SUGCT: variants seen among roughly 807,000 people sequenced by gnomAD.
SUGCT encodes succinyl-CoA:glutarate CoA-transferase.
Under a neutral mutation model 55.0 loss-of-function variants are expected in SUGCT, and 41 were observed. The observed-to-expected ratio is 0.74, with a 90% CI of 0.58 to 0.97. The LOEUF (loss-of-function observed/expected upper bound fraction) is 0.97. Among genes scored for constraint, SUGCT ranks in the 50% least tolerant of loss-of-function variants. The pLI, the probability that SUGCT is intolerant of heterozygous loss-of-function variation, is 0.00. For synonymous variants in SUGCT, 187 were observed against 200.4 expected, an observed-to-expected ratio of 0.93 and a Z score of 0.56; for missense variants, 568 against 547.8, an observed-to-expected ratio of 1.04 and a Z score of -0.37.
At chr7:40,685,086 AC>A (rs1784410396) in intron 12 of SUGCT, among the ~76,000 whole-genome samples, 3 of 151,996 alleles carry the variant, frequency 2.0e-5, no homozygotes, top group Non-Finnish European at 4.4e-5. Flanking sequence ...CAAACTCCTG[AC>A]CTTAAGTGGT....
chr7:40,761,612 G>C (rs1264148562), intron 13 of SUGCT, among the ~76,000 whole-genome samples: 1 of 152,214 alleles, frequency 6.6e-6, no homozygotes, highest in Non-Finnish European at 1.5e-5. Context: ...AGTCTGAAAT[G>C]TGTTTGCCTA....
chr7:41,028,753 G>T, the SUGCT span, among the ~76,000 whole-genome samples: 1 of 152,222 alleles, frequency 6.6e-6, no homozygotes, highest in African/African-American at 2.4e-5. Flanking sequence ...GTTCTTGGCA[G>T]AACCTAAATG....
intron 13 of SUGCT, among the ~76,000 whole-genome samples, chr7:40,780,676 G>A (rs745894423): frequency 2.7e-5 from 4 of 150,858 alleles, no homozygotes; most frequent in Non-Finnish European, 4.4e-5. Flanking sequence ...AAAATAAACC[G>A]TTCATTTATA....
At chr7:40,793,045 A>G (rs1406917245) in intron 13 of SUGCT, 1 of 152,130 alleles carries the variant, frequency 6.6e-6, no homozygotes, top group Non-Finnish European at 1.5e-5. Flanking sequence ...CTATCTCCAT[A>G]CAACATTCAT....
chr7:40,970,556 A>C, the SUGCT span, among the ~76,000 whole-genome samples: 4 of 152,174 alleles, frequency 2.6e-5, no homozygotes, highest in Non-Finnish European at 1.5e-5. Flanking sequence ...GATGTTGATA[A>C]TGTAAATATA....
At chr7:40,811,447 A>C (rs1287997376) in intron 13 of SUGCT, among the ~76,000 whole-genome samples, 3 of 152,052 alleles carry the variant, frequency 2.0e-5, no homozygotes, top group Non-Finnish European at 4.4e-5. Flanking sequence ...TTCTTTTAGC[A>C]CTGTTTTATA....
At chr7:40,772,548 A>ATCTG (rs1562994164) in intron 13 of SUGCT, among the ~76,000 whole-genome samples, 1 of 145,184 alleles carries the variant, frequency 6.9e-6, no homozygotes, top group Non-Finnish European at 1.5e-5. Context: ...CTATCTATCT[A>ATCTG]TCTATCTATC....
the SUGCT span, among the ~76,000 whole-genome samples, chr7:40,918,192 G>A: frequency 1.2e-3 from 181 of 152,260 alleles, no homozygotes; most frequent in African/African-American, 4.3e-3. Flanking sequence ...GCCAGTCGCG[G>A]TGGTTCACAC....
intron 8 of SUGCT, among the ~76,000 whole-genome samples, chr7:40,280,962 G>A (rs1792912488): frequency 6.6e-6 from 1 of 152,004 alleles, no homozygotes; most frequent in African/African-American, 2.4e-5. Flanking sequence ...AAAAGAAGGG[G>A]CCCATTATGA....
At chr7:40,296,635 GTGTGTGTGTGTGTGTGTGTA>G (rs1227738244) in intron 8 of SUGCT, among the ~76,000 whole-genome samples, 4 of 73,258 alleles carry the variant, frequency 5.5e-5, no homozygotes, top group Non-Finnish European at 1.5e-4. Flanking sequence ...GTGTGTGTGT[GTGTGTGTGTGTGTGTGTGTA>G]ATTAATTTTA....
chr7:40,434,061 C>T (rs1266548751), intron 9 of SUGCT, among the ~76,000 whole-genome samples: 2 of 152,106 alleles, frequency 1.3e-5, no homozygotes, highest in East Asian at 1.9e-4. Flanking sequence ...CACCTTGTGA[C>T]CTACTAGGAT....
chr7:40,361,742 G>A (rs1798165133), intron 9 of SUGCT, among the ~76,000 whole-genome samples: 1 of 152,110 alleles, frequency 6.6e-6, no homozygotes, highest in Non-Finnish European at 1.5e-5. Context: ...GTGGTAACTG[G>A]AGATACAGAC....
chr7:40,929,704 CT>C, the SUGCT span, among the ~76,000 whole-genome samples: 1 of 152,180 alleles, frequency 6.6e-6, no homozygotes, highest in Non-Finnish European at 1.5e-5. Flanking sequence ...TGTCTCTTGG[CT>C]GCATAAATGT....
At chr7:40,598,337 A>G (rs1180885556) in intron 12 of SUGCT, among the ~76,000 whole-genome samples, 1 of 152,222 alleles carries the variant, frequency 6.6e-6, no homozygotes, top group Non-Finnish European at 1.5e-5. Context: ...GATTCTAATT[A>G]TCTTCACTAC....
chr7:40,400,428 T>C (rs950410152), intron 9 of SUGCT, among the ~76,000 whole-genome samples: 1 of 152,210 alleles, frequency 6.6e-6, no homozygotes, highest in African/African-American at 2.4e-5. Context: ...AGCGAGAACA[T>C]AGAAGTGCAT....
the SUGCT span, among the ~76,000 whole-genome samples, chr7:40,941,627 C>T: frequency 6.6e-6 from 1 of 152,034 alleles, no homozygotes; most frequent in South Asian, 2.1e-4. Context: ...TCTTTGTTGA[C>T]TTTCTGCCTT....
At chr7:40,748,319 G>A (rs951476256) in intron 12 of SUGCT, among the ~76,000 whole-genome samples, 8 of 152,132 alleles carry the variant, frequency 5.3e-5, no homozygotes, top group African/African-American at 1.4e-4. Context: ...TTAGTTTGAA[G>A]TAAGTTTATA....
chr7:40,855,035 A>T (rs548134351), intron 13 of SUGCT, among the ~76,000 whole-genome samples: 90 of 152,138 alleles, frequency 5.9e-4, no homozygotes, highest in African/African-American at 2.1e-3. Context: ...TAAAAAAAAA[A>T]AAAAGACTAG....
At chr7:41,036,148 T>C in the SUGCT span, among the ~76,000 whole-genome samples, 2 of 152,052 alleles carry the variant, frequency 1.3e-5, no homozygotes, top group Non-Finnish European at 2.9e-5. Context: ...AACAAATTTG[T>C]GGAATGCATG....
Sources: allele counts gnomAD v4.1 joint callset (sites outside exome capture counted in the v4.1 genomes callset), GRCh38; gene constraint gnomAD v4.1.1; transcripts MANE v1.5; gene names NCBI Gene and HGNC (gene_info 2026-07-23, HGNC 2026-07-21).